Variants in SUN2 observed in about 807,000 individuals in gnomAD.
SUN2 encodes SUN domain-containing protein 2.
SUN2 carries 60 observed loss-of-function variants against 100.0 expected under a neutral mutation model. The observed-to-expected ratio is 0.60, with a 90% confidence interval of 0.49 to 0.74. The LOEUF (loss-of-function observed/expected upper bound fraction) is 0.74, where lower values mean the gene tolerates loss of function less well. SUN2 is among the 30% of genes least tolerant of loss of function. SUN2 has a pLI of 0.00. For missense variants in SUN2, 834 were observed against 954.6 expected (o/e 0.87, Z 1.66); for synonymous variants, 367 against 403.3 (o/e 0.91, Z 1.08).
intron 8 of SUN2, chr22:38,745,108 A>G (rs766743096): frequency 1.3e-5 from 6 of 471,188 alleles, no homozygotes; most frequent in South Asian, 9.3e-5. Context: ...TCAAGGCCTC[A>G]AAGGTCTGGT....
chr22:38,749,546 C>T (rs1240756592), intron 6 of SUN2, among the ~76,000 whole-genome samples: 1 of 152,150 alleles, frequency 6.6e-6, no homozygotes, highest in Admixed American at 6.5e-5. Flanking sequence ...TGGAATCCTG[C>T]CTCGAAGGGC....
intron 8 of SUN2, chr22:38,742,761 T>C: frequency 1.6e-6 from 1 of 609,588 alleles, no homozygotes; most frequent in African/African-American, 1.9e-5. Context: ...GATCACTGGG[T>C]GCCGGCCACA....
chr22:38,735,377 C>T lies in SUN2; in HGVS notation c.*890G>A, dbSNP rs2145908848. On this transcript the variant is annotated 3_prime_UTR_variant, in exon 18 of 18. Coordinates refer to ENST00000689035, the MANE Select transcript of SUN2 (RefSeq NM_015374.3). ...TACCCTGAACGTCCCCACAAGAGCC[C>T]AGGAGTTCCATGCTCCCCACTCTTC... The T allele has an allele frequency of 2.7e-6, 1 of 376,968 alleles. No homozygotes were observed. The highest frequency in any genetic ancestry group is 1.9e-5 in the South Asian group (1 of 51,836). The allele number at this position is 376,968 out of a possible 1,614,324, so 23.4% of individuals were successfully genotyped here. A position where few individuals can be genotyped will look rare whatever the true frequency, so the allele number is the denominator to read the frequency against.
intron 5 of SUN2, 112 bp from the exon 6 acceptor site, chr22:38,749,971 CT>C (rs1984817035): frequency 1.4e-5 from 16 of 1,137,584 alleles, no homozygotes; most frequent in Non-Finnish European, 1.7e-5. Flanking sequence ...GCCAGTATGC[CT>C]CTGTCCTGCC....
Position 38,749,776 on chromosome 22 carries a change from CGAA to C in SUN2, c.601_603del (p.Phe201del). On this transcript the variant is annotated inframe_deletion, in exon 6 of 18. Transcript: ENST00000689035. ...TGGAGTCTCGCTCACCTGGTTAAAA[CGAA>C]GACGTCAAGGAGGGAGGCAGCTGTG... 1 of 1,614,108 alleles carries C rather than the reference CGAA, an allele frequency of 6.2e-7. No individual in the cohort carries two copies.
At position 38,734,764 on chromosome 22, in the gene SUN2, A is replaced by C. The variant is rs555659229; in HGVS notation, c.*1503T>G. On this transcript the variant is annotated 3_prime_UTR_variant, in exon 18 of 18. Transcript: ENST00000689035. Reference sequence around the variant, plus strand: ...GGCGTCATTTATTTTTTGCATAGGCATAAATTAGGATCTGGAGATAAAAAA... The same window carrying C: ...GGCGTCATTTATTTTTTGCATAGGCCTAAATTAGGATCTGGAGATAAAAAA... 5.7e-6 allele frequency: 1 copy of C among 176,322 alleles called. No individual in the cohort carries two copies. The highest frequency in any genetic ancestry group is 2.4e-5 in the African/African-American group (1 of 41,706). 10.9% of individuals were successfully genotyped at this position (176,322 alleles called of 1,614,324 possible).
Position 38,747,662 on chromosome 22 carries a change from G to T in SUN2, c.685+1051C>A, listed in dbSNP as rs528120670. ...AAAATGTCTATATAAACAAGGAAGG[G>T]CTGGGTGCAGTGGCTCACACCTGTA... On this transcript the variant is annotated intron_variant, in intron 7 of 17. Transcript: ENST00000689035. Among the ~76,000 whole-genome samples, 11 of 152,308 alleles carry T rather than the reference G, an allele frequency of 7.2e-5. No homozygotes were observed. The South Asian group carries it at 2.3e-3, about 32-fold the overall frequency.
intron 7 of SUN2, among the ~76,000 whole-genome samples, chr22:38,747,363 A>G (rs929377612): frequency 1.9e-4 from 29 of 151,816 alleles, no homozygotes; most frequent in African/African-American, 6.5e-4. Flanking sequence ...AAGAATCATT[A>G]TTATTTTAAG....
chr22:38,750,248 A>G lies in SUN2; in HGVS notation c.497T>C (p.Leu166Pro). 4.3e-6 allele frequency: 7 copies of G among 1,613,370 alleles called. No individual in the cohort carries two copies. Among genetic ancestry groups the G allele is most frequent in the Non-Finnish European group, 5.9e-6 (7 of 1,179,530 alleles). ...RSAVSRAGSL[L>P]WMVATSPGRL... is the part of the protein sequence containing the mutation. Reference sequence around the variant, plus strand: ...ACCTGGCGAAGTGGCCACCATCCAGAGTAAGGAGCCCGCCCGTGAGACGGC... The same window carrying G: ...ACCTGGCGAAGTGGCCACCATCCAGGGTAAGGAGCCCGCCCGTGAGACGGC... Residue 166 changes from leucine to proline, a missense_variant, in exon 5 of 18, where the codon CTC (leucine) becomes CCC (proline). Transcript: ENST00000689035.
In SUN2 at chr22:38,739,995, A is replaced by G. The variant is rs146979222; in HGVS notation, c.1357-52T>C. Reference sequence around the variant, plus strand: ...CTGGGGGGCTTGCAGGGACAGCAGGAGCTGCTATGACAGGGCTAGTGCTTA... The same window carrying G: ...CTGGGGGGCTTGCAGGGACAGCAGGGGCTGCTATGACAGGGCTAGTGCTTA... On this transcript the variant is annotated intron_variant, in intron 12 of 17. Coordinates refer to ENST00000689035, the MANE Select transcript of SUN2 (RefSeq NM_015374.3). The surrounding 1 kb of genome is among the most constrained non-coding windows in gnomAD (Gnocchi z 6.7). 4.1e-4 allele frequency: 637 copies of G among 1,569,542 alleles called. 2 individuals are homozygous for G. The highest frequency in any genetic ancestry group is 3.3e-3 in the Middle Eastern group (20 of 5,978).
chr22:38,744,261 CAAAAAAAAAAAAA>C (rs35027225), intron 8 of SUN2, among the ~76,000 whole-genome samples: 1 of 60,708 alleles, frequency 1.6e-5, no homozygotes, highest in African/African-American at 6.4e-5. Context: ...GACTCTGTCT[CAAAAAAAAAAAAA>C]AAAAAAAAAA....
At position 38,740,072 on chromosome 22, in the gene SUN2, G is replaced by C; in HGVS notation, c.1357-129C>G. ...GGAGGCCACTGGAGGAAAGAGTTAT[G>C]AACACTCCATGGGCACTAACAAAAA... On this transcript the variant is annotated intron_variant, in intron 12 of 17. Coordinates refer to ENST00000689035, the MANE Select transcript of SUN2 (RefSeq NM_015374.3). This position sits in a 1 kb window ranked among gnomAD's most constrained non-coding sequence, Gnocchi z 4.8. 3.2e-6 allele frequency: 4 copies of C among 1,255,352 alleles called. No individual in the cohort carries two copies. Among genetic ancestry groups the C allele is most frequent in the Non-Finnish European group, 4.4e-6 (4 of 913,786 alleles). 77.8% of individuals were successfully genotyped at this position (1,255,352 alleles called of 1,614,324 possible).
Position 38,749,830 on chromosome 22 carries a change from CCCA to C in SUN2, c.547_549del (p.Trp183del). ...GTCAGGCGGTACCAGGTGGTGCCAG[CCCA>C]CCAGTAGAGAAGTCTGAAGAGCCGG... On this transcript the variant is annotated inframe_deletion, in exon 6 of 18. Transcript: ENST00000689035. 2 of 1,613,884 alleles carry C rather than the reference CCCA, an allele frequency of 1.2e-6. No homozygotes were observed. Among genetic ancestry groups the C allele is most frequent in the Non-Finnish European group, 1.7e-6 (2 of 1,179,976 alleles).
intron 1 of SUN2, chr22:38,754,940 A>G (rs1171627575): frequency 7.0e-6 from 9 of 1,289,210 alleles, no homozygotes; most frequent in Non-Finnish European, 9.1e-6. Flanking sequence ...TCGAGGCCCC[A>G]TTCTCCAAAA....
Position 38,735,353 on chromosome 22 carries a change from AC to A in SUN2, c.*913del, listed in dbSNP as rs1379163259. 16 of 403,688 alleles carry A rather than the reference AC, an allele frequency of 4.0e-5. No homozygotes were observed. The East Asian group carries it at 1.2e-3, about 29-fold the overall frequency. The allele number at this position is 403,688 out of a possible 1,614,324, so 25.0% of individuals were successfully genotyped here. On this transcript the variant is annotated 3_prime_UTR_variant, in exon 18 of 18. Transcript: ENST00000689035. ...GTGCAGACAGACCTCGCACCCCGAT[AC>A]CCTGAACGTCCCCACAAGAGCCCAG...
rs910967527 is a variant in SUN2 at position 38,735,969 on chromosome 22, G to A, written c.*298C>T. 6.9e-5 allele frequency: 21 copies of A among 305,782 alleles called. No homozygotes were observed. Among genetic ancestry groups the A allele is most frequent in the African/African-American group, 4.2e-4 (19 of 44,840 alleles). The allele number at this position is 305,782 out of a possible 1,614,324, so 18.9% of individuals were successfully genotyped here. ...CCTGACCCCAGCCAAGACCAGTCAG[G>A]TCCTACCTCTCCCAACTTCCCAGTC... On this transcript the variant is annotated 3_prime_UTR_variant, in exon 18 of 18. Coordinates refer to ENST00000689035, the MANE Select transcript of SUN2 (RefSeq NM_015374.3).
Position 38,755,006 on chromosome 22 carries a change from A to G in SUN2, c.-38+757T>C. ...ACTACTGCGAATCATAATAGACACC[A>G]CCCCCGCCCCACCTCCTCCCTAACA... On this transcript the variant is annotated intron_variant, in intron 1 of 17. Coordinates refer to ENST00000689035, the MANE Select transcript of SUN2 (RefSeq NM_015374.3). This position sits in a 1 kb window ranked among gnomAD's most constrained non-coding sequence, Gnocchi z 5.7. 1.6e-6 allele frequency: 2 copies of G among 1,236,372 alleles called. No homozygotes were observed. Among genetic ancestry groups the G allele is most frequent in the Non-Finnish European group, 2.1e-6 (2 of 947,916 alleles). 76.6% of individuals were successfully genotyped at this position (1,236,372 alleles called of 1,614,324 possible). A position where few individuals can be genotyped will look rare whatever the true frequency, so the allele number is the denominator to read the frequency against.
Position 38,739,667 on chromosome 22 carries a change from C to A in SUN2, c.1578+55G>T. ...GCTGGCAGTGTGGGACTGTCCAGGG[C>A]TCCCAGGGAGGAGAGCTGTGGGTGG... On this transcript the variant is annotated intron_variant, in intron 13 of 17. Transcript: ENST00000689035. The surrounding 1 kb of genome is among the most constrained non-coding windows in gnomAD (Gnocchi z 6.7). 4 of 1,582,888 alleles carry A rather than the reference C, an allele frequency of 2.5e-6. No individual in the cohort carries two copies. Among genetic ancestry groups the A allele is most frequent in the South Asian group, 1.1e-5 (1 of 87,338 alleles).
chr22:38,740,691 C>T lies in SUN2; in HGVS notation c.1191-259G>A. 1 of 575,994 alleles carries T rather than the reference C, an allele frequency of 1.7e-6. No individual in the cohort carries two copies. The highest frequency in any genetic ancestry group is 3.1e-6 in the Non-Finnish European group (1 of 324,192). 35.7% of individuals were successfully genotyped at this position (575,994 alleles called of 1,614,324 possible). On this transcript the variant is annotated intron_variant, in intron 11 of 17. Coordinates refer to ENST00000689035, the MANE Select transcript of SUN2 (RefSeq NM_015374.3). This position sits in a 1 kb window ranked among gnomAD's most constrained non-coding sequence, Gnocchi z 4.8. The stretch of plus-strand genomic sequence containing the variant: ...GTACTCTGCCTCAGCCTCTCACATC[C>T]TCCACAAGCATGGACATCTGGGGCA...
Sources: allele counts gnomAD v4.1 joint callset (sites outside exome capture counted in the v4.1 genomes callset), GRCh38; gene constraint gnomAD v4.1.1; non-coding constraint Gnocchi (gnomAD v3.1); transcripts MANE v1.5; gene names NCBI Gene and HGNC (gene_info 2026-07-23, HGNC 2026-07-21).